The following MYO16 variants were observed in gnomAD, a reference collection of about 807,000 sequenced individuals.
MYO16 encodes myosin XVI, also known as unconventional myosin-XVI.
A neutral mutation model predicts 205.3 loss-of-function variants in MYO16; 94 were observed. The ratio of observed to expected loss-of-function variants is 0.46; its 90% CI spans 0.39 to 0.54. MYO16 has a LOEUF of 0.54. MYO16 is among the 20% of genes least tolerant of loss of function. The pLI is 0.00. For synonymous variants in MYO16, 988 were observed against 954.0 expected, an observed-to-expected ratio of 1.04 and a Z score of -0.66; for missense variants, 2,315 against 2,387.5, an observed-to-expected ratio of 0.97 and a Z score of 0.63.
rs764279952 is a variant in MYO16 at position 108,961,624 on chromosome 13, C to T, written c.2123C>T (p.Ala708Val). The T allele has an allele frequency of 6.2e-7, 1 of 1,614,050 alleles. No individual in the cohort carries two copies. The highest frequency in any genetic ancestry group is 1.1e-5 in the South Asian group (1 of 91,082). Residue 708 changes from alanine to valine, a missense_variant, in exon 18 of 35, where the codon GCC becomes GTC. By Grantham distance (64) the Ala-to-Val change is moderately conservative. This residue lies in a region of MYO16 where 1,213 missense variants were observed against 1,274.4 expected (regional missense o/e 0.95). Transcript: ENST00000457511. ...ACTGCCCTGAATGAGGGGAACTCCG[C>T]CTTCGTTTCTGACCTCCAGCTCCTG... ...RFTALNEGNS[A>V]FVSDLQLLEQ...
chr13:109,010,010 G>T (rs1274010114), intron 22 of MYO16, among the ~76,000 whole-genome samples: 1 of 152,128 alleles, frequency 6.6e-6, no homozygotes, highest in Non-Finnish European at 1.5e-5. Context: ...CTCTTCCACT[G>T]CTAACCAGGG....
At chr13:108,878,469 A>G (rs1178025366) in intron 12 of MYO16, among the ~76,000 whole-genome samples, 3 of 152,050 alleles carry the variant, frequency 2.0e-5, no homozygotes, top group Admixed American at 1.3e-4. Flanking sequence ...CATCCATCCC[A>G]CTGAGAGCCA....
At chr13:108,766,408 A>G (rs1254207281) in intron 4 of MYO16, among the ~76,000 whole-genome samples, 1 of 152,216 alleles carries the variant, frequency 6.6e-6, no homozygotes, top group Non-Finnish European at 1.5e-5. Context: ...CCTGACTGCC[A>G]TGGGGCCTTC....
chr13:108,895,654 C>A (rs1437521379), intron 14 of MYO16, among the ~76,000 whole-genome samples: 1 of 152,220 alleles, frequency 6.6e-6, no homozygotes, highest in African/African-American at 2.4e-5. Context: ...CTGGGTTCAA[C>A]TCCCAGCTTC....
chr13:108,929,807 G>T (rs59616902), intron 16 of MYO16, among the ~76,000 whole-genome samples: 3 of 151,988 alleles, frequency 2.0e-5, no homozygotes, highest in African/African-American at 7.3e-5. Context: ...AAAAAAAAAT[G>T]TACTTAGCTA....
intron 17 of MYO16, among the ~76,000 whole-genome samples, chr13:108,958,783 T>TC (rs1883475357): frequency 6.6e-6 from 1 of 152,214 alleles, no homozygotes; most frequent in Non-Finnish European, 1.5e-5. Flanking sequence ...CCCTTCAATC[T>TC]CTATTTCCCA....
At chr13:109,017,433 A>G (rs1566463135) in intron 22 of MYO16, among the ~76,000 whole-genome samples, 1 of 152,048 alleles carries the variant, frequency 6.6e-6, no homozygotes, top group African/African-American at 2.4e-5. Context: ...GAATCTGACA[A>G]TTATGTGTCT....
At chr13:108,617,965 A>G (rs1165643546) in intron 1 of MYO16, among the ~76,000 whole-genome samples, 1 of 151,996 alleles carries the variant, frequency 6.6e-6, no homozygotes, top group Non-Finnish European at 1.5e-5. Context: ...CAAACACCCA[A>G]GCACCTAGAA....
chr13:108,873,471 C>G (rs113875943), intron 12 of MYO16, among the ~76,000 whole-genome samples: 243 of 152,346 alleles, frequency 1.6e-3, no homozygotes, highest in Middle Eastern at 6.8e-3. Context: ...CTACACAAGG[C>G]GGCAGGCAGC....
chr13:108,610,857 T>C lies in MYO16; in HGVS notation c.-39+14618T>C, dbSNP rs78976043. On this transcript the variant is annotated intron_variant, in intron 1 of 24. Transcript: ENST00000251041. ...AAAAAAAAGGAGCTTTTGCCTTTAC[T>C]TTCAGCTTGTCTGTGTTAGTGCTCT... is the stretch of plus-strand genomic sequence containing the variant. Among the ~76,000 whole-genome samples, 209 of 152,310 alleles carry C rather than the reference T, an allele frequency of 1.4e-3. 3 individuals are homozygous for C. In the East Asian group the frequency reaches 0.039, roughly 28 times the overall value.
chr13:109,096,821 C>T (rs72656250), intron 27 of MYO16, among the ~76,000 whole-genome samples: 19 of 152,262 alleles, frequency 1.2e-4, no homozygotes, highest in Non-Finnish European at 2.1e-4. Flanking sequence ...TCCGGAGAAA[C>T]GCAAACAGGC....
intron 1 of MYO16, among the ~76,000 whole-genome samples, chr13:108,648,737 G>A (rs575795455): frequency 2.6e-5 from 4 of 151,970 alleles, no homozygotes; most frequent in Non-Finnish European, 5.9e-5. Context: ...GAGTCACTTG[G>A]TTGCCACTGG....
chr13:108,585,322 GGCA>G, the MYO16 span, among the ~76,000 whole-genome samples: 1 of 152,184 alleles, frequency 6.6e-6, no homozygotes, highest in Admixed American at 6.6e-5. Flanking sequence ...AACTCAAAGA[GGCA>G]GCTTCTAGGC....
intron 17 of MYO16, among the ~76,000 whole-genome samples, chr13:108,960,011 G>A (rs528418518): frequency 7.3e-5 from 11 of 151,094 alleles, no homozygotes; most frequent in African/African-American, 1.9e-4. Context: ...GGTGGTGCAC[G>A]CCTGTAATCC....
At chr13:108,763,787 TTGTGTGTGTGTGTGTG>T (rs56115831) in intron 4 of MYO16, among the ~76,000 whole-genome samples, 12 of 142,534 alleles carry the variant, frequency 8.4e-5, no homozygotes, top group Admixed American at 3.5e-4. Flanking sequence ...AGAAAAGGAG[TTGTGTGTGTGTGTGTG>T]TGTGTGTGTG....
chr13:108,785,787 G>C (rs1333526866), intron 5 of MYO16, 44 bp downstream of exon 5: 1 of 1,253,686 alleles, frequency 8.0e-7, no homozygotes, highest in African/African-American at 1.5e-5. Context: ...TAGATTGGGA[G>C]AATTGTAAGT....
Position 108,692,181 on chromosome 13 carries a change from C to G in MYO16, c.293-20480C>G, listed in dbSNP as rs533187255. ...TATATTTAAGCTAATCAGACTTGGG[C>G]ACCAGGAAAATACTGCTCTTGAGCC... is the stretch of plus-strand genomic sequence containing the variant. On this transcript the variant is annotated intron_variant, in intron 2 of 34. Coordinates refer to ENST00000457511, the MANE Select transcript of MYO16 (RefSeq NM_001198950.3). Among the ~76,000 whole-genome samples the G allele has an allele frequency of 2.0e-5, 3 of 152,276 alleles. No homozygotes were observed. The South Asian group carries it at 6.2e-4, about 32-fold the overall frequency.
intron 5 of MYO16, among the ~76,000 whole-genome samples, chr13:108,788,973 A>C (rs1886537725): frequency 6.6e-6 from 1 of 152,084 alleles, no homozygotes; most frequent in Non-Finnish European, 1.5e-5. Context: ...AGAATCTTCC[A>C]TGTCCCTCCA....
At chr13:109,204,659 C>T (rs910822127) in intron 34 of MYO16, among the ~76,000 whole-genome samples, 3 of 152,214 alleles carry the variant, frequency 2.0e-5, no homozygotes, top group Non-Finnish European at 2.9e-5. Flanking sequence ...CTACTCATGT[C>T]CTTAGCCCAC....
Sources: allele counts gnomAD v4.1 joint callset (sites outside exome capture counted in the v4.1 genomes callset), GRCh38; gene constraint gnomAD v4.1.1; regional missense constraint gnomAD v4.1.1; transcripts MANE v1.5; gene names NCBI Gene and HGNC (gene_info 2026-07-23, HGNC 2026-07-21).